ASTN1: variants seen among roughly 807,000 people sequenced by gnomAD.
ASTN1 encodes astrotactin 1, also known as astrotactin-1.
Under a neutral mutation model 140.7 loss-of-function variants are expected in ASTN1, and 41 were observed. The observed-to-expected ratio is 0.29, with a 90% CI of 0.23 to 0.38. ASTN1 has a LOEUF of 0.38. Ranked by LOEUF, ASTN1 falls within the 10% of genes least tolerant of loss-of-function variation. ASTN1 has a pLI of 1.00. For missense variants in ASTN1, 1,479 were observed against 1,678.8 expected (o/e 0.88, Z 2.08); for synonymous variants, 640 against 652.2 (o/e 0.98, Z 0.29).
At chr1:177,091,362 T>C (rs1679742326) in intron 1 of ASTN1, among the ~76,000 whole-genome samples, 1 of 152,174 alleles carries the variant, frequency 6.6e-6, no homozygotes, top group Non-Finnish European at 1.5e-5. Context: ...ATTAGTGGTT[T>C]TTCTTGAATG....
intron 13 of ASTN1, among the ~76,000 whole-genome samples, chr1:176,944,826 C>A (rs1671884661): frequency 6.6e-6 from 1 of 152,230 alleles, no homozygotes; most frequent in South Asian, 2.1e-4. Flanking sequence ...ACTTCAGCCA[C>A]CACTAGATTA....
At chr1:176,946,700 G>A (rs1157475618) in intron 12 of ASTN1, among the ~76,000 whole-genome samples, 1 of 152,118 alleles carries the variant, frequency 6.6e-6, no homozygotes, top group Non-Finnish European at 1.5e-5. Context: ...CCTCCATTAG[G>A]AGTAGCCTTC....
intron 1 of ASTN1, among the ~76,000 whole-genome samples, chr1:177,149,135 C>CATATATATAGTGCATATATATAGTGT (rs1558130449): frequency 6.7e-5 from 6 of 89,102 alleles, no homozygotes; most frequent in East Asian, 3.8e-4. Flanking sequence ...ATATATAGTG[C>CATATATATAGTGCATATATATAGTGT]ATATATATAG....
At chr1:177,034,382 A>T (rs1263747511) in intron 2 of ASTN1, among the ~76,000 whole-genome samples, 3 of 152,022 alleles carry the variant, frequency 2.0e-5, no homozygotes. Context: ...TTGGGGACAG[A>T]TGTATGCTGA....
At chr1:177,151,691 T>A (rs1424942786) in intron 1 of ASTN1, among the ~76,000 whole-genome samples, 1 of 152,176 alleles carries the variant, frequency 6.6e-6, no homozygotes, top group African/African-American at 2.4e-5. Flanking sequence ...GAACTCTTTA[T>A]TCCAGAAAAG....
chr1:176,868,902 G>C lies in ASTN1; in HGVS notation c.3589C>G (p.Gln1197Glu). Residue 1197 changes from glutamine (Q) to glutamate (E), a missense_variant, in exon 22 of 23, where the codon CAG becomes GAG. Gln to Glu is a conservative substitution (Grantham distance 29). Around this residue, in one of 3 missense-constraint regions of ASTN1, gnomAD observed 746 missense variants for 800.9 expected, o/e 0.93. Coordinates refer to ENST00000361833, the MANE Select transcript of ASTN1 (RefSeq NM_004319.3). Reference protein sequence around the residue: ...TLHRVLYHYNQHYESFGEFTW... With the variant: ...TLHRVLYHYNEHYESFGEFTW... Reference sequence around the variant, plus strand: ...AATTCCCCAAAACTCTCATAGTGCTGGTTATAGTGGTAGAGGACCCGGTGT... The same window carrying C: ...AATTCCCCAAAACTCTCATAGTGCTCGTTATAGTGGTAGAGGACCCGGTGT... 6.2e-7 allele frequency: 1 copy of C among 1,611,712 alleles called. No homozygotes were observed. Among genetic ancestry groups the C allele is most frequent in the Non-Finnish European group, 8.5e-7 (1 of 1,178,446 alleles).
At chr1:176,970,346 C>T (rs59055983) in intron 8 of ASTN1, among the ~76,000 whole-genome samples, 1 of 152,286 alleles carries the variant, frequency 6.6e-6, no homozygotes, top group African/African-American at 2.4e-5. Flanking sequence ...ACTGGATGCT[C>T]CCTTCATATG....
At chr1:176,917,162 C>G (rs549496385) in intron 16 of ASTN1, among the ~76,000 whole-genome samples, 64 of 152,184 alleles carry the variant, frequency 4.2e-4, no homozygotes, top group African/African-American at 1.4e-3. Flanking sequence ...TCTGGTAGCC[C>G]CTGTCATACC....
chr1:176,982,979 G>T (rs1346895352), intron 8 of ASTN1, among the ~76,000 whole-genome samples: 1 of 152,178 alleles, frequency 6.6e-6, no homozygotes, highest in African/African-American at 2.4e-5. Context: ...CACAGATGAT[G>T]ATTGAGGGGG....
chr1:176,892,198 G>A (rs1036301524), intron 17 of ASTN1, among the ~76,000 whole-genome samples: 1 of 152,162 alleles, frequency 6.6e-6, no homozygotes, highest in Non-Finnish European at 1.5e-5. Flanking sequence ...ACATTAGATT[G>A]TATTCAATAG....
At chr1:176,996,025 G>A (rs1449890542) in intron 8 of ASTN1, among the ~76,000 whole-genome samples, 1 of 152,126 alleles carries the variant, frequency 6.6e-6, no homozygotes, top group East Asian at 1.9e-4. Flanking sequence ...TCCACCAACT[G>A]GCCTTCCAAA....
chr1:176,875,760 T>C (rs1025123405), intron 21 of ASTN1, among the ~76,000 whole-genome samples: 36 of 152,372 alleles, frequency 2.4e-4, no homozygotes, highest in African/African-American at 8.2e-4. Context: ...TTTGTTAATA[T>C]GCAAATGCTA....
Position 176,894,801 on chromosome 1 carries a change from G to A in ASTN1, c.2701C>T (p.Arg901Trp), listed in dbSNP as rs777093050. 2.6e-5 allele frequency: 42 copies of A among 1,613,854 alleles called. No homozygotes were observed. The highest frequency in any genetic ancestry group is 3.3e-5 in the Non-Finnish European group (39 of 1,180,046). The change falls in exon 17 of 23, where the codon CGG becomes TGG. Residue 901 changes from arginine (R) to tryptophan (W), a missense_variant. Physicochemically the swap from Arg to Trp is moderately radical, Grantham distance 101 (BLOSUM62 -3). Coordinates refer to ENST00000361833, the MANE Select transcript of ASTN1 (RefSeq NM_004319.3). ...GTCAGCACCTTGGGGTCTCTTTCCC[G>A]CTCCTCAGACTCATCTGATGGGGAG... ...GNSPSDESEERERDPKVLTFP... is the reference protein window; with the variant it reads ...GNSPSDESEEWERDPKVLTFP...
intron 2 of ASTN1, among the ~76,000 whole-genome samples, chr1:177,033,123 C>CTGTGTGTGTGTGTGTGTGTG (rs10603141): frequency 4.1e-5 from 6 of 146,320 alleles, no homozygotes; most frequent in African/African-American, 7.6e-5. Context: ...AGAAACAAGT[C>CTGTGTGTGTGTGTGTGTGTG]TGTGTGTGTG....
chr1:177,110,700 G>A (rs1222681975), intron 1 of ASTN1, among the ~76,000 whole-genome samples: 3 of 152,080 alleles, frequency 2.0e-5, no homozygotes, highest in Non-Finnish European at 4.4e-5. Context: ...TTCTAGATAA[G>A]GTATAATCCC....
rs1042685728 is a variant in ASTN1 at position 176,953,549 on chromosome 1, T to A, written c.1887+4129A>T. 2.0e-5 allele frequency among the ~76,000 whole-genome samples: 3 copies of A among 152,346 alleles called. No individual in the cohort carries two copies. The South Asian group carries it at 6.2e-4, about 32-fold the overall frequency. On this transcript the variant is annotated intron_variant, in intron 11 of 22. Coordinates refer to ENST00000361833, the MANE Select transcript of ASTN1 (RefSeq NM_004319.3). ...TGGAGTCAAATTTATATTTCAGCAG[T>A]GATAGCTTCCTGCCTCCATTTCTCT... is the stretch of plus-strand genomic sequence containing the variant.
Position 176,945,987 on chromosome 1 carries a change from A to C in ASTN1, c.2188T>G (p.Phe730Val). The stretch of plus-strand genomic sequence containing the variant: ...TCCTTGGAATGGTTGTTGTAACCAA[A>C]GAACATCTCCCCAAAGAGGGTCTGG... ...MNQTLFGEMF[F>V]GYNNHSKEVA... Residue 730 changes from phenylalanine (F) to valine (V), a missense_variant, in exon 13 of 23, where the codon TTT (phenylalanine) becomes GTT (valine). By Grantham distance (50) the Phe-to-Val change is conservative. This residue lies in a region of ASTN1 where 746 missense variants were observed against 800.9 expected (regional missense o/e 0.93). Transcript: ENST00000361833. 5 of 1,614,102 alleles carry C rather than the reference A, an allele frequency of 3.1e-6. No homozygotes were observed. Among genetic ancestry groups the C allele is most frequent in the Non-Finnish European group, 4.2e-6 (5 of 1,179,964 alleles).
At chr1:176,893,574 C>T (rs1669360234) in intron 17 of ASTN1, among the ~76,000 whole-genome samples, 1 of 152,154 alleles carries the variant, frequency 6.6e-6, no homozygotes, top group African/African-American at 2.4e-5. Context: ...CTACAAAATC[C>T]CTCCTGTTGG....
chr1:176,897,432 C>T (rs529987430), intron 16 of ASTN1, among the ~76,000 whole-genome samples: 1 of 152,192 alleles, frequency 6.6e-6, no homozygotes, highest in East Asian at 1.9e-4. Context: ...TGGCTCTTAC[C>T]CACCTTCTAA....
Sources: gnomAD v4.1 joint callset for allele counts (sites outside exome capture counted in the v4.1 genomes callset) on GRCh38, gnomAD v4.1.1 for gene constraint, gnomAD v4.1.1 regional missense constraint, MANE v1.5 for transcripts, NCBI Gene and HGNC (gene_info 2026-07-23, HGNC 2026-07-21) for gene names.